FOXK1: variants seen among roughly 807,000 people sequenced by gnomAD.
FOXK1 encodes the protein forkhead box protein K1.
FOXK1 carries 19 observed loss-of-function variants against 51.9 expected under a neutral mutation model. That is an observed-to-expected ratio of 0.37 (90% confidence interval 0.26 to 0.54). The LOEUF (loss-of-function observed/expected upper bound fraction) is 0.54, where lower values mean the gene tolerates loss of function less well. Ranked by LOEUF, FOXK1 falls within the 20% of genes least tolerant of loss-of-function variation. The pLI, the probability that FOXK1 is intolerant of heterozygous loss-of-function variation, is 0.87. For synonymous variants in FOXK1, 537 were observed against 482.6 expected, an observed-to-expected ratio of 1.11 and a Z score of -1.48; for missense variants, 870 against 1,032.7, an observed-to-expected ratio of 0.84 and a Z score of 2.16.
In FOXK1 at chr7:4,762,571, G is replaced by T. The variant is rs936325064; in HGVS notation, c.*107G>T. The T allele has an allele frequency of 1.7e-6, 2 of 1,169,738 alleles. No individual in the cohort carries two copies. Among genetic ancestry groups the T allele is most frequent in the Non-Finnish European group, 2.3e-6 (2 of 851,956 alleles). The allele number at this position is 1,169,738 out of a possible 1,614,324, so 72.5% of individuals were successfully genotyped here. A position where few individuals can be genotyped will look rare whatever the true frequency, so the allele number is the denominator to read the frequency against. ...CAGACGGAGGAGAACAGCCCGCGGC[G>T]GCCTGTGGGCATCGGCGGCACCTGG... On this transcript the variant is annotated 3_prime_UTR_variant, in exon 9 of 9. Transcript: ENST00000328914. The surrounding 1 kb of genome is among the most constrained non-coding windows in gnomAD (Gnocchi z 5.7).
intron 1 of FOXK1, among the ~76,000 whole-genome samples, chr7:4,700,693 G>A (rs879086860): frequency 2.6e-5 from 4 of 152,106 alleles, no homozygotes; most frequent in African/African-American, 9.7e-5. Context: ...TCATGCACCT[G>A]TGGTACGAGC....
At chr7:4,706,262 G>C (rs1780101068) in intron 1 of FOXK1, among the ~76,000 whole-genome samples, 1 of 152,034 alleles carries the variant, frequency 6.6e-6, no homozygotes, top group African/African-American at 2.4e-5. Flanking sequence ...CACAACGGCT[G>C]CTGATCAGAA....
At chr7:4,704,652 C>G (rs868211874) in intron 1 of FOXK1, among the ~76,000 whole-genome samples, 11 of 151,998 alleles carry the variant, frequency 7.2e-5, no homozygotes, top group African/African-American at 2.4e-4. Flanking sequence ...GTGTGCTAGG[C>G]AAGGCTGACA....
chr7:4,755,188 A>G lies in FOXK1; in HGVS notation c.904-49A>G. 2 of 1,597,720 alleles carry G rather than the reference A, an allele frequency of 1.3e-6. No individual in the cohort carries two copies. Among genetic ancestry groups the G allele is most frequent in the Non-Finnish European group, 1.7e-6 (2 of 1,169,062 alleles). ...CAGCTGTGACGGGTGGGTGGGGTAGACTCAGGGACCTTGCTGGAGCTCATC... is the reference window on the plus strand; with the variant it reads ...CAGCTGTGACGGGTGGGTGGGGTAGGCTCAGGGACCTTGCTGGAGCTCATC... On this transcript the variant is annotated intron_variant, in intron 3 of 8. Coordinates refer to ENST00000328914, the MANE Select transcript of FOXK1 (RefSeq NM_001037165.2). This position sits in a 1 kb window ranked among gnomAD's most constrained non-coding sequence, Gnocchi z 6.6.
rs1030900201 is a variant in FOXK1 at position 4,749,191 on chromosome 7, A to G, written c.747-5268A>G. ...TTCTTGCTCTGCAGGTGTGCTTTGC[A>G]TGCTGTTCTTACTGTCCTACAGAGA... On this transcript the variant is annotated intron_variant, in intron 2 of 8. Transcript: ENST00000328914. The surrounding 1 kb of genome is among the most constrained non-coding windows in gnomAD (Gnocchi z 6.0). Among the ~76,000 whole-genome samples the G allele has an allele frequency of 1.1e-4, 16 of 151,828 alleles. No homozygotes were observed. The highest frequency in any genetic ancestry group is 2.9e-4 in the African/African-American group (12 of 41,288).
At position 4,762,107 on chromosome 7, in the gene FOXK1, C is replaced by T. The variant is rs1285429925; in HGVS notation, c.1922-77C>T. The T allele has an allele frequency of 1.4e-5, 20 of 1,472,606 alleles. No individual in the cohort carries two copies. The highest frequency in any genetic ancestry group is 1.8e-5 in the Non-Finnish European group (20 of 1,098,342). 91.2% of individuals were successfully genotyped at this position (1,472,606 alleles called of 1,614,324 possible). ...TCCGGTTCCGGCTTGGTGGCTTAGC[C>T]CCTGTATAGGGGACTTGAAAAAAGC... On this transcript the variant is annotated intron_variant, in intron 8 of 8. Transcript: ENST00000328914. The surrounding 1 kb of genome is among the most constrained non-coding windows in gnomAD (Gnocchi z 5.7).
rs1160344948 is a variant in FOXK1, at chr7:4,731,575, C to T, written c.561-9263C>T. Among the ~76,000 whole-genome samples the T allele has an allele frequency of 1.3e-5, 2 of 152,110 alleles. No individual in the cohort carries two copies. Among genetic ancestry groups the T allele is most frequent in the Non-Finnish European group, 2.9e-5 (2 of 68,018 alleles). On this transcript the variant is annotated intron_variant, in intron 1 of 8. Coordinates refer to ENST00000328914, the MANE Select transcript of FOXK1 (RefSeq NM_001037165.2). The surrounding 1 kb of genome is among the most constrained non-coding windows in gnomAD (Gnocchi z 5.3). ...AGGAGTTCAAGACCAGCCTGGCCAA[C>T]ATGGTGAAACCCCATCTCTACTAAA...
At chr7:4,714,464 C>T (rs1057374085) in intron 1 of FOXK1, among the ~76,000 whole-genome samples, 2 of 152,094 alleles carry the variant, frequency 1.3e-5, no homozygotes, top group Non-Finnish European at 2.9e-5. Context: ...TAGTAGAGAC[C>T]GGGTTTCGCC....
chr7:4,719,100 C>A (rs1780275268), intron 1 of FOXK1, among the ~76,000 whole-genome samples: 2 of 151,488 alleles, frequency 1.3e-5, no homozygotes, highest in African/African-American at 4.9e-5. Context: ...TGAGCCACCA[C>A]ACCCAACCTT....
At chr7:4,686,067 T>C (rs1252584383) in intron 1 of FOXK1, among the ~76,000 whole-genome samples, 1 of 152,242 alleles carries the variant, frequency 6.6e-6, no homozygotes, top group African/African-American at 2.4e-5. Flanking sequence ...TTTGTCACCC[T>C]GAATGGGAAA....
Position 4,766,405 on chromosome 7 carries a change from C to T in FOXK1, c.*3941C>T, listed in dbSNP as rs376502716. 1.3e-5 allele frequency: 2 copies of T among 152,216 alleles called. No individual in the cohort carries two copies. Among genetic ancestry groups the T allele is most frequent in the Non-Finnish European group, 2.9e-5 (2 of 68,048 alleles). 9.4% of individuals were successfully genotyped at this position (152,216 alleles called of 1,614,324 possible). On this transcript the variant is annotated 3_prime_UTR_variant, in exon 9 of 9. Coordinates refer to ENST00000328914, the MANE Select transcript of FOXK1 (RefSeq NM_001037165.2). This position sits in a 1 kb window ranked among gnomAD's most constrained non-coding sequence, Gnocchi z 5.5. ...AAGACACTGGTGGCGGGGACCATGACCAGGCGGGTGGAGCCATGTGTGTCT... is the reference window on the plus strand; with the variant it reads ...AAGACACTGGTGGCGGGGACCATGATCAGGCGGGTGGAGCCATGTGTGTCT...
At chr7:4,754,788 C>A in intron 3 of FOXK1, 173 bp downstream of exon 3, 3 of 840,140 alleles carry the variant, frequency 3.6e-6, no homozygotes, top group South Asian at 1.8e-5. Context: ...TTCTCGTTTT[C>A]GTGCCCAAAT....
At chr7:4,705,975 T>TATATATACATATATATAC (rs1780088914) in intron 1 of FOXK1, among the ~76,000 whole-genome samples, 1 of 77,406 alleles carries the variant, frequency 1.3e-5, no homozygotes, top group African/African-American at 7.8e-5. Context: ...TATATATACG[T>TATATATACATATATATAC]ATATATACGT....
At position 4,723,947 on chromosome 7, in the gene FOXK1, A is replaced by G. The variant is rs1319704764; in HGVS notation, c.561-16891A>G. On this transcript the variant is annotated intron_variant, in intron 1 of 8. Transcript: ENST00000328914. This position sits in a 1 kb window ranked among gnomAD's most constrained non-coding sequence, Gnocchi z 4.7. Reference sequence around the variant, plus strand: ...CAGCTTCCCAAAGTGCTGGGATTACAGGCGTGCACCTCTGTGCTCGGCCCA... The same window carrying G: ...CAGCTTCCCAAAGTGCTGGGATTACGGGCGTGCACCTCTGTGCTCGGCCCA... Among the ~76,000 whole-genome samples, 1 of 152,168 alleles carries G rather than the reference A, an allele frequency of 6.6e-6. No homozygotes were observed. Among genetic ancestry groups the G allele is most frequent in the Non-Finnish European group, 1.5e-5 (1 of 68,038 alleles).
rs1333622226 is a variant in FOXK1, at chr7:4,707,493, G to A, written c.560+24625G>A. Among the ~76,000 whole-genome samples, 4 of 152,136 alleles carry A rather than the reference G, an allele frequency of 2.6e-5. No individual in the cohort carries two copies. Among genetic ancestry groups the A allele is most frequent in the Non-Finnish European group, 5.9e-5 (4 of 68,026 alleles). ...TCCCCAAATGGATAATTTCGCCTTG[G>A]TAGTGTTAAGATGTATTTAGCGACT... On this transcript the variant is annotated intron_variant, in intron 1 of 8. Coordinates refer to ENST00000328914, the MANE Select transcript of FOXK1 (RefSeq NM_001037165.2). This position sits in a 1 kb window ranked among gnomAD's most constrained non-coding sequence, Gnocchi z 4.1.
chr7:4,701,824 C>T (rs373773940), intron 1 of FOXK1, among the ~76,000 whole-genome samples: 135 of 152,328 alleles, frequency 8.9e-4, no homozygotes, highest in African/African-American at 3.1e-3. Context: ...ACCTGGGAGG[C>T]GGAGTTTGCA....
intron 1 of FOXK1, among the ~76,000 whole-genome samples, chr7:4,736,225 A>G (rs188266703): frequency 5.9e-5 from 9 of 152,304 alleles, no homozygotes; most frequent in African/African-American, 1.9e-4. Flanking sequence ...CTGCCTCAGG[A>G]CAATCACTGT....
chr7:4,727,090 C>T (rs1051616687), intron 1 of FOXK1, among the ~76,000 whole-genome samples: 4 of 152,132 alleles, frequency 2.6e-5, no homozygotes, highest in Admixed American at 1.3e-4. Context: ...GGACTACAGG[C>T]ATGCACCACT....
chr7:4,726,603 C>T (rs1780383950), intron 1 of FOXK1, among the ~76,000 whole-genome samples: 1 of 151,288 alleles, frequency 6.6e-6, no homozygotes, highest in Non-Finnish European at 1.5e-5. Flanking sequence ...GCCTGGACGA[C>T]AGAGCGAGAC....
Sources: allele counts gnomAD v4.1 joint callset (sites outside exome capture counted in the v4.1 genomes callset), GRCh38; gene constraint gnomAD v4.1.1; non-coding constraint Gnocchi (gnomAD v3.1); transcripts MANE v1.5; gene names NCBI Gene and HGNC (gene_info 2026-07-23, HGNC 2026-07-21).